Variants in CAMKMT observed in about 807,000 individuals in gnomAD.
The protein encoded by CAMKMT is calmodulin-lysine N-methyltransferase.
In CAMKMT, 53 loss-of-function variants were observed where a neutral mutation model predicts 48.0. That is an observed-to-expected ratio of 1.10 (90% confidence interval 0.89 to 1.39). The LOEUF (loss-of-function observed/expected upper bound fraction) is 1.39, where lower values mean the gene tolerates loss of function less well. Among genes scored for constraint, CAMKMT ranks in the 40% most tolerant of loss-of-function variants. The pLI is 0.00. For missense variants in CAMKMT, 428 were observed against 402.7 expected, an observed-to-expected ratio of 1.06 and a Z score of -0.54; for synonymous variants, 165 against 152.3, an observed-to-expected ratio of 1.08 and a Z score of -0.61.
chr2:44,616,942 C>T (rs1671926225), intron 3 of CAMKMT, among the ~76,000 whole-genome samples: 1 of 152,062 alleles, frequency 6.6e-6, no homozygotes. Context: ...GTGATTAATT[C>T]AGATCAGGAA....
At chr2:44,439,490 G>C (rs544690574) in intron 3 of CAMKMT, among the ~76,000 whole-genome samples, 1 of 152,008 alleles carries the variant, frequency 6.6e-6, no homozygotes, top group African/African-American at 2.4e-5. Flanking sequence ...CTTTTTGGTA[G>C]AGTTAGTTCT....
chr2:44,501,280 G>A (rs956922918), intron 3 of CAMKMT, among the ~76,000 whole-genome samples: 7 of 151,986 alleles, frequency 4.6e-5, no homozygotes, highest in African/African-American at 1.7e-4. Context: ...TTATAACCAC[G>A]TGTGGTATCT....
intron 3 of CAMKMT, among the ~76,000 whole-genome samples, chr2:44,702,514 C>T (rs1345328861): frequency 3.3e-5 from 5 of 152,110 alleles, no homozygotes; most frequent in Admixed American, 3.3e-4. Context: ...GACAATACTG[C>T]AATGATATTT....
At chr2:44,685,942 A>G (rs1339133544) in intron 3 of CAMKMT, among the ~76,000 whole-genome samples, 1 of 152,122 alleles carries the variant, frequency 6.6e-6, no homozygotes, top group African/African-American at 2.4e-5. Context: ...TTAACACTTC[A>G]ATCTGATACG....
intron 3 of CAMKMT, among the ~76,000 whole-genome samples, chr2:44,627,311 A>G (rs1163248545): frequency 1.3e-5 from 2 of 152,154 alleles, no homozygotes; most frequent in Non-Finnish European, 2.9e-5. Context: ...GGTGTCATCT[A>G]TGTTCATACT....
chr2:44,373,706 C>T (rs536141982), intron 2 of CAMKMT, among the ~76,000 whole-genome samples: 43 of 152,140 alleles, frequency 2.8e-4, no homozygotes, highest in Admixed American at 6.5e-5. Flanking sequence ...ATATGTTTCT[C>T]GAGCTATTTT....
At chr2:44,446,632 A>C (rs572149856) in intron 3 of CAMKMT, among the ~76,000 whole-genome samples, 1 of 152,138 alleles carries the variant, frequency 6.6e-6, no homozygotes, top group Non-Finnish European at 1.5e-5. Flanking sequence ...AGGCCGCGCC[A>C]CTATGCCCAG....
chr2:44,683,834 A>AG (rs1676174225), intron 3 of CAMKMT, among the ~76,000 whole-genome samples: 2 of 146,018 alleles, frequency 1.4e-5, no homozygotes, highest in Non-Finnish European at 3.0e-5. Context: ...AAAAAAAAAA[A>AG]AAAAAAAAAG....
At chr2:44,624,172 T>C (rs778915053) in intron 3 of CAMKMT, among the ~76,000 whole-genome samples, 4 of 152,142 alleles carry the variant, frequency 2.6e-5, no homozygotes, top group Non-Finnish European at 5.9e-5. Context: ...TGATAAAAAG[T>C]TGGGTTGTTT....
chr2:44,451,449 T>C (rs1289363665), intron 3 of CAMKMT, among the ~76,000 whole-genome samples: 2 of 151,998 alleles, frequency 1.3e-5, no homozygotes, highest in African/African-American at 4.8e-5. Context: ...CTTCTACCTT[T>C]ACTGTCCTAA....
At chr2:44,625,526 TAA>T (rs1378707083) in intron 3 of CAMKMT, among the ~76,000 whole-genome samples, 1 of 152,144 alleles carries the variant, frequency 6.6e-6, no homozygotes, top group Non-Finnish European at 1.5e-5. Flanking sequence ...TTATAAAATC[TAA>T]GTTATCTTTT....
At chr2:44,379,725 T>C (rs1680052828) in intron 2 of CAMKMT, among the ~76,000 whole-genome samples, 1 of 152,132 alleles carries the variant, frequency 6.6e-6, no homozygotes, top group Non-Finnish European at 1.5e-5. Flanking sequence ...TTTTTCTTTT[T>C]TTTGAGAAAT....
chr2:44,520,828 GTCTTATGAGA>G (rs1217210918), intron 3 of CAMKMT, among the ~76,000 whole-genome samples: 4 of 152,158 alleles, frequency 2.6e-5, no homozygotes, highest in Non-Finnish European at 5.9e-5. Context: ...TAATGAGTGA[GTCTTATGAGA>G]TCTGATGGGT....
At chr2:44,483,003 A>G (rs1056673696) in intron 3 of CAMKMT, among the ~76,000 whole-genome samples, 1 of 152,178 alleles carries the variant, frequency 6.6e-6, no homozygotes, top group African/African-American at 2.4e-5. Flanking sequence ...CATGATGCCA[A>G]TGCTGTGGCT....
intron 3 of CAMKMT, among the ~76,000 whole-genome samples, chr2:44,675,344 A>T (rs1340217393): frequency 6.6e-6 from 1 of 152,018 alleles, no homozygotes; most frequent in African/African-American, 2.4e-5. Context: ...TATTTTCTTC[A>T]TCTCTGCAAT....
intron 3 of CAMKMT, among the ~76,000 whole-genome samples, chr2:44,534,415 C>T (rs1666654744): frequency 6.6e-6 from 1 of 152,118 alleles, no homozygotes; most frequent in Admixed American, 6.6e-5. Flanking sequence ...ACATTTTACC[C>T]AACAGCTCCA....
intron 3 of CAMKMT, among the ~76,000 whole-genome samples, chr2:44,582,198 A>G (rs1669603100): frequency 6.6e-6 from 1 of 152,212 alleles, no homozygotes; most frequent in South Asian, 2.1e-4. Flanking sequence ...AACAGAAAGA[A>G]TGTCTTTAGT....
At chr2:44,749,605 A>C (rs1206212438) in intron 8 of CAMKMT, among the ~76,000 whole-genome samples, 1 of 152,200 alleles carries the variant, frequency 6.6e-6, no homozygotes, top group African/African-American at 2.4e-5. Flanking sequence ...TTATCAACTA[A>C]CATATCTTAT....
At chr2:44,555,490 G>T (rs932723132) in intron 3 of CAMKMT, among the ~76,000 whole-genome samples, 2 of 152,140 alleles carry the variant, frequency 1.3e-5, no homozygotes, top group African/African-American at 2.4e-5. Context: ...TTTTGAGTGA[G>T]TGGAGCCTGT....
Sources: gnomAD v4.1 joint callset for allele counts (sites outside exome capture counted in the v4.1 genomes callset) on GRCh38, gnomAD v4.1.1 for gene constraint, MANE v1.5 for transcripts, NCBI Gene and HGNC (gene_info 2026-07-23, HGNC 2026-07-21) for gene names.